The following CD163 variants were observed in gnomAD, a reference collection of about 807,000 sequenced individuals.
CD163 encodes CD163 molecule, also known as scavenger receptor cysteine-rich type 1 protein M130.
Under a neutral mutation model 129.2 loss-of-function variants are expected in CD163, and 64 were observed. The ratio of observed to expected loss-of-function variants is 0.50; its 90% CI spans 0.41 to 0.61. The LOEUF is 0.61. Among genes scored for constraint, CD163 ranks in the 20% least tolerant of loss-of-function variants. The pLI is 0.00. For synonymous variants in CD163, 446 were observed against 478.5 expected, an observed-to-expected ratio of 0.93 and a Z score of 0.89; for missense variants, 1,061 against 1,377.9, an observed-to-expected ratio of 0.77 and a Z score of 3.64.
rs759476449 is a variant in CD163 at position 7,481,149 on chromosome 12, G to A, written c.3343+12C>T. On this transcript the variant is annotated intron_variant, in intron 15 of 16. Coordinates refer to ENST00000432237, the MANE Select transcript of CD163 (RefSeq NM_203416.4). ...AACCCCTGGGCAATAGACCCTCCAA[G>A]AACCCACAGACCTGAGGAATTCATT... 2.5e-6 allele frequency: 4 copies of A among 1,613,250 alleles called. No individual in the cohort carries two copies. In the South Asian group the frequency reaches 3.3e-5, roughly 13 times the overall value.
At chr12:7,480,917 C>T in intron 15 of CD163, 1 of 1,153,938 alleles carries the variant, frequency 8.7e-7, no homozygotes, top group Non-Finnish European at 1.1e-6. Flanking sequence ...TATTCCTCTG[C>T]ATGGTTCTTT....
At chr12:7,473,974 A>T (rs1328545179) in intron 16 of CD163, among the ~76,000 whole-genome samples, 1 of 152,204 alleles carries the variant, frequency 6.6e-6, no homozygotes, top group Non-Finnish European at 1.5e-5. Flanking sequence ...GATTAAAAAA[A>T]GACACAGAAG....
Position 7,485,216 on chromosome 12 carries a change from G to C in CD163, c.2659C>G (p.Pro887Ala), listed in dbSNP as rs1432277841. The C allele has an allele frequency of 2.5e-6, 4 of 1,614,068 alleles. No individual in the cohort carries two copies. In the African/African-American group the frequency reaches 5.3e-5, roughly 22 times the overall value. ...CACTGAACATTGTCCACCCACATGGGAATGGACATGGCCTTGTCTAAAGAT... is the reference window on the plus strand; with the variant it reads ...CACTGAACATTGTCCACCCACATGGCAATGGACATGGCCTTGTCTAAAGAT... The part of the protein sequence containing the change: ...PASLDKAMSI[P>A]MWVDNVQCPK... The change falls in exon 11 of 17, where the codon CCC becomes GCC. Residue 887 changes from proline to alanine, a missense_variant. Coordinates refer to ENST00000432237, the MANE Select transcript of CD163 (RefSeq NM_203416.4). This position sits in a 1 kb window ranked among gnomAD's most constrained non-coding sequence, Gnocchi z 4.5.
At chr12:7,498,736 G>C in intron 4 of CD163, 132 bp downstream of exon 4, 1 of 868,648 alleles carries the variant, frequency 1.2e-6, no homozygotes, top group African/African-American at 1.7e-5. Flanking sequence ...ACTGGAACCT[G>C]AAGTTAGGTT....
At position 7,486,717 on chromosome 12, in the gene CD163, C is replaced by G. The variant is rs778112907; in HGVS notation, c.2240G>C (p.Ser747Thr). 6 of 1,614,086 alleles carry G rather than the reference C, an allele frequency of 3.7e-6. No individual in the cohort carries two copies. In the East Asian group the frequency reaches 1.3e-4, roughly 36 times the overall value. Residue 747 changes from serine to threonine, a missense_variant, in exon 10 of 17, where the codon AGC becomes ACC. Physicochemically the swap from Ser to Thr is moderately conservative, Grantham distance 58 (BLOSUM62 1). Coordinates refer to ENST00000432237, the MANE Select transcript of CD163 (RefSeq NM_203416.4). ...EGSWGTICDD[S>T]WDLSDAHVVC... ...CACGTGGGCATCACTCAGGTCCCAG[C>G]TGTCATCACAGATGGTGCCCCAGGA...
chr12:7,502,208 T>C (rs1949500330), intron 2 of CD163, among the ~76,000 whole-genome samples: 1 of 152,234 alleles, frequency 6.6e-6, no homozygotes, highest in South Asian at 2.1e-4. Flanking sequence ...TCCTCCTTTG[T>C]ATTCTTTCCT....
intron 16 of CD163, among the ~76,000 whole-genome samples, chr12:7,478,733 T>C (rs535940555): frequency 1.1e-4 from 16 of 151,186 alleles, no homozygotes; most frequent in Non-Finnish European, 2.2e-4. Context: ...ATTTCGTATA[T>C]ACAAATATTC....
intron 4 of CD163, among the ~76,000 whole-genome samples, chr12:7,497,991 T>C (rs1187619192): frequency 2.6e-5 from 4 of 152,188 alleles, no homozygotes; most frequent in Non-Finnish European, 5.9e-5. Context: ...CAGAAAGAGA[T>C]AGAACCCAGA....
chr12:7,488,653 T>C (rs992392248), intron 6 of CD163, among the ~76,000 whole-genome samples: 46 of 152,174 alleles, frequency 3.0e-4, no homozygotes, highest in African/African-American at 1.1e-3. Context: ...ATTCCTTGAG[T>C]CAAAGTTCTG....
chr12:7,498,729 G>A, intron 4 of CD163, 139 bp downstream of exon 4: 2 of 809,386 alleles, frequency 2.5e-6, no homozygotes, highest in Non-Finnish European at 3.9e-6. Context: ...TATCAGAACT[G>A]GAACCTGAAG....
Position 7,474,899 on chromosome 12 carries a change from C to T in CD163, c.*32-3502G>A, listed in dbSNP as rs188976038. 2.8e-3 allele frequency among the ~76,000 whole-genome samples: 431 copies of T among 151,870 alleles called. 1 individual carries two copies. Among genetic ancestry groups the T allele is most frequent in the Non-Finnish European group, 4.0e-3 (270 of 67,924 alleles). On this transcript the variant is annotated intron_variant, in intron 16 of 16. Transcript: ENST00000432237. The stretch of plus-strand genomic sequence containing the variant: ...TAAAAAGTGATAGAGGGGATATCAC[C>T]GCTGATCCCACAGAAATGCAAACTA...
chr12:7,475,167 G>A (rs1348127689), intron 16 of CD163, among the ~76,000 whole-genome samples: 3 of 140,930 alleles, frequency 2.1e-5, no homozygotes, highest in Non-Finnish European at 4.6e-5. Context: ...GTACAAAGAA[G>A]AGCAAATACC....
intron 2 of CD163, among the ~76,000 whole-genome samples, chr12:7,501,931 C>T (rs1949495917): frequency 6.6e-6 from 1 of 152,144 alleles, no homozygotes; most frequent in African/African-American, 2.4e-5. Context: ...TAGCATAAAT[C>T]TTAAAAACGC....
At chr12:7,480,743 G>C in intron 15 of CD163, 1 of 423,566 alleles carries the variant, frequency 2.4e-6, no homozygotes, top group Non-Finnish European at 3.2e-6. Context: ...GTGTTCATTT[G>C]CTTTGCTTTA....
At position 7,495,387 on chromosome 12, in the gene CD163, C is replaced by T; in HGVS notation, c.1114G>A (p.Glu372Lys). The T allele has an allele frequency of 1.2e-6, 2 of 1,613,762 alleles. No individual in the cohort carries two copies. Among genetic ancestry groups the T allele is most frequent in the Non-Finnish European group, 1.7e-6 (2 of 1,179,722 alleles). ...GVTCSDGSDL[E>K]LRLRGGGSRC... Reference sequence around the variant, plus strand: ...CTGCCTCCACCTCTAAGTCTTAGCTCCAGATCTGATCCATCTGCAAAAGAA... The same window carrying T: ...CTGCCTCCACCTCTAAGTCTTAGCTTCAGATCTGATCCATCTGCAAAAGAA... Residue 372 changes from glutamate (E) to lysine (K), a missense_variant, in exon 6 of 17, where the codon GAG becomes AAG. Transcript: ENST00000432237.
chr12:7,471,969 A>T (rs185192990), intron 16 of CD163: 1 of 152,370 alleles, frequency 6.6e-6, no homozygotes, highest in East Asian at 1.9e-4. Context: ...AGCGCTAAGG[A>T]GGCCAAGGAG....
chr12:7,475,097 C>CAAA (rs58901449), intron 16 of CD163, among the ~76,000 whole-genome samples: 1,825 of 93,436 alleles, frequency 0.02, 42 homozygotes, highest in African/African-American at 0.026. Context: ...GCCTACCAAC[C>CAAA]AAAAAAAAAA....
intron 6 of CD163, among the ~76,000 whole-genome samples, chr12:7,492,339 A>T (rs1201732502): frequency 3.3e-5 from 5 of 152,162 alleles, no homozygotes; most frequent in Middle Eastern, 3.2e-3. Context: ...ATCTGAATAG[A>T]ATCCTGAATA....
chr12:7,494,048 A>G (rs1949364155), intron 6 of CD163, among the ~76,000 whole-genome samples: 1 of 152,206 alleles, frequency 6.6e-6, no homozygotes, highest in Non-Finnish European at 1.5e-5. Context: ...ACAACATGCC[A>G]CCATTTGGAT....
Sources: gnomAD v4.1 joint callset for allele counts (sites outside exome capture counted in the v4.1 genomes callset) on GRCh38, gnomAD v4.1.1 for gene constraint, Gnocchi (gnomAD v3.1) non-coding constraint, MANE v1.5 for transcripts, NCBI Gene and HGNC (gene_info 2026-07-23, HGNC 2026-07-21) for gene names.